Variants in SNX29 observed in about 807,000 individuals in gnomAD.
SNX29 encodes the protein sorting nexin 29.
Under a neutral mutation model 102.1 loss-of-function variants are expected in SNX29, and 78 were observed. The ratio of observed to expected loss-of-function variants is 0.76; its 90% confidence interval spans 0.64 to 0.92. The LOEUF (loss-of-function observed/expected upper bound fraction) is 0.92, where lower values mean the gene tolerates loss of function less well. Among genes scored for constraint, SNX29 ranks in the 40% least tolerant of loss-of-function variants. The pLI, the probability that SNX29 is intolerant of heterozygous loss-of-function variation, is 0.00. For missense variants in SNX29, 1,280 were observed against 1,061.7 expected (o/e 1.21, Z -2.86); for synonymous variants, 580 against 414.5 (o/e 1.40, Z -4.85).
rs1443537293 is a variant in SNX29 at position 12,570,889 on chromosome 16, T to C, written c.*2260T>C. 4.3e-6 allele frequency: 1 copy of C among 230,836 alleles called. No homozygotes were observed. Among genetic ancestry groups the C allele is most frequent in the African/African-American group, 2.2e-5 (1 of 44,928 alleles). The allele number at this position is 230,836 out of a possible 1,614,324, so 14.3% of individuals were successfully genotyped here. A position where few individuals can be genotyped will look rare whatever the true frequency, so the allele number is the denominator to read the frequency against. On this transcript the variant is annotated 3_prime_UTR_variant, in exon 21 of 21. Transcript: ENST00000566228. ...CTCCTACTTTTATAATACTGAATTATTCACAAAAAACCTGGTCTGCTCTCC... is the reference window on the plus strand; with the variant it reads ...CTCCTACTTTTATAATACTGAATTACTCACAAAAAACCTGGTCTGCTCTCC...
chr16:12,569,108 G>A lies in SNX29; in HGVS notation c.*479G>A, dbSNP rs2079129225. 1 of 125,440 alleles carries A rather than the reference G, an allele frequency of 8.0e-6. No individual in the cohort carries two copies. The highest frequency in any genetic ancestry group is 3.6e-5 in the African/African-American group (1 of 27,754). 7.8% of individuals were successfully genotyped at this position (125,440 alleles called of 1,614,324 possible). On this transcript the variant is annotated 3_prime_UTR_variant, in exon 21 of 21. Coordinates refer to ENST00000566228, the MANE Select transcript of SNX29 (RefSeq NM_032167.5). Reference sequence around the variant, plus strand: ...AGGTTATTACCTGGCCTAACCTAGGGATGGCTGGCTTTGCGGGGGGGGGGG... The same window carrying A: ...AGGTTATTACCTGGCCTAACCTAGGAATGGCTGGCTTTGCGGGGGGGGGGG...
Position 12,571,684 on chromosome 16 carries a change from C to T in SNX29, c.*3055C>T. ...GGTAGGGCTGGGCAGAGGTGTCTCT[C>T]CTTGAGAGACAACAAAAGCTTCTAA... On this transcript the variant is annotated 3_prime_UTR_variant, in exon 21 of 21. Coordinates refer to ENST00000566228, the MANE Select transcript of SNX29 (RefSeq NM_032167.5). 9.4e-7 allele frequency: 1 copy of T among 1,059,502 alleles called. No individual in the cohort carries two copies. Among genetic ancestry groups the T allele is most frequent in the South Asian group, 4.6e-5 (1 of 21,866 alleles). 65.6% of individuals were successfully genotyped at this position (1,059,502 alleles called of 1,614,324 possible).
At chr16:12,005,302 G>T (rs901503935) in intron 3 of SNX29, among the ~76,000 whole-genome samples, 4 of 152,126 alleles carry the variant, frequency 2.6e-5, no homozygotes, top group African/African-American at 9.7e-5. Flanking sequence ...GAATCACCTG[G>T]GAGGCTTATT....
intron 14 of SNX29, among the ~76,000 whole-genome samples, chr16:12,211,525 G>A (rs1394961831): frequency 2.0e-5 from 3 of 152,178 alleles, no homozygotes; most frequent in East Asian, 3.9e-4. Context: ...CACTGTATTA[G>A]TCAGGGTTCT....
intron 15 of SNX29, among the ~76,000 whole-genome samples, chr16:12,355,883 G>A (rs2082120504): frequency 7.6e-6 from 1 of 131,122 alleles, no homozygotes; most frequent in African/African-American, 2.8e-5. Flanking sequence ...AAAAGAGAGA[G>A]GAAAAAAAAA....
chr16:12,494,565 G>T (rs2088716955), intron 19 of SNX29, among the ~76,000 whole-genome samples: 1 of 152,150 alleles, frequency 6.6e-6, no homozygotes, highest in Non-Finnish European at 1.5e-5. Context: ...TAAGTGTCCT[G>T]GCAGTACAGG....
At chr16:12,326,352 G>C (rs944099553) in intron 15 of SNX29, among the ~76,000 whole-genome samples, 1 of 137,998 alleles carries the variant, frequency 7.2e-6, no homozygotes, top group African/African-American at 2.6e-5. Flanking sequence ...TCCCTGTCCA[G>C]GTGTGAGGGG....
chr16:12,568,517 CGCCCGGAGAGCCTGTGAACAGCCG>C lies in SNX29; in HGVS notation c.2335_2358del (p.Gly779_Pro786del), dbSNP rs766809356. 6.2e-7 allele frequency: 1 copy of C among 1,609,956 alleles called. No individual in the cohort carries two copies. Among genetic ancestry groups the C allele is most frequent in the South Asian group, 1.1e-5 (1 of 91,078 alleles). On this transcript the variant is annotated inframe_deletion, in exon 21 of 21. Transcript: ENST00000566228. ...CCCTGCTCTTTCAGCGACATCACCCCGCCCGGAGAGCCTGTGAACAGCCGGCCCAAAGCAGCTTCCCGCTTCCCC... is the reference window on the plus strand; with the variant it reads ...CCCTGCTCTTTCAGCGACATCACCCCGCCCAAAGCAGCTTCCCGCTTCCCC...
rs768176505 is a variant in SNX29, at chr16:12,356,183, G to A, written c.1803G>A (p.Glu601=). 1 of 1,613,082 alleles carries A rather than the reference G, an allele frequency of 6.2e-7. No individual in the cohort carries two copies. The highest frequency in any genetic ancestry group is 8.5e-7 in the Non-Finnish European group (1 of 1,179,654). Residue 601 remains glutamate (E), a synonymous_variant, in exon 16 of 21, where the codon GAG becomes GAA. Coordinates refer to ENST00000566228, the MANE Select transcript of SNX29 (RefSeq NM_032167.5). The stretch of plus-strand genomic sequence containing the variant: ...TCCAGGTGGCAGAGATGCATGGCGA[G>A]CTGATTGAGTTCAACGAGCGCCTGC... The part of the protein sequence containing the change: ...KLIEVAEMHG[E]LIEFNERLHR...
chr16:12,561,359 G>C (rs1395954338), intron 20 of SNX29, among the ~76,000 whole-genome samples: 1 of 152,126 alleles, frequency 6.6e-6, no homozygotes, highest in Non-Finnish European at 1.5e-5. Context: ...AGACTTATGA[G>C]GGAGCTAGGT....
chr16:12,434,267 G>A (rs1441745654), intron 18 of SNX29, among the ~76,000 whole-genome samples: 2 of 152,198 alleles, frequency 1.3e-5, no homozygotes, highest in East Asian at 3.8e-4. Flanking sequence ...TTATTGACCA[G>A]AGTGTGTACA....
At chr16:12,455,524 C>A (rs1000858015) in intron 18 of SNX29, among the ~76,000 whole-genome samples, 1 of 152,222 alleles carries the variant, frequency 6.6e-6, no homozygotes, top group African/African-American at 2.4e-5. Context: ...GCCAGTGTTC[C>A]TTGTCTCTTC....
intron 20 of SNX29, among the ~76,000 whole-genome samples, chr16:12,544,732 G>C (rs543998838): frequency 6.6e-6 from 1 of 152,090 alleles, no homozygotes; most frequent in Non-Finnish European, 1.5e-5. Flanking sequence ...GGGAAACCTC[G>C]GCCCAGAGAG....
intron 20 of SNX29, among the ~76,000 whole-genome samples, chr16:12,540,468 G>C (rs150061836): frequency 1.6e-3 from 248 of 152,334 alleles, no homozygotes; most frequent in African/African-American, 5.6e-3. Context: ...CGTCTTACTA[G>C]GCTACAGTCA....
At chr16:12,492,180 C>T (rs563239835) in intron 19 of SNX29, among the ~76,000 whole-genome samples, 10 of 152,320 alleles carry the variant, frequency 6.6e-5, no homozygotes, top group East Asian at 3.9e-4. Flanking sequence ...TCCACATCCT[C>T]GCCAGCACCT....
chr16:12,238,322 G>T (rs1441792644), intron 14 of SNX29, among the ~76,000 whole-genome samples: 38 of 142,278 alleles, frequency 2.7e-4, no homozygotes, highest in Non-Finnish European at 5.3e-4. Flanking sequence ...TTTTTTTTGA[G>T]ACGGAGTCTC....
intron 1 of SNX29, among the ~76,000 whole-genome samples, chr16:11,981,974 T>C (rs1233888999): frequency 6.6e-6 from 1 of 151,634 alleles, no homozygotes; most frequent in East Asian, 1.9e-4. Context: ...GGAGGCCCAG[T>C]TGGGAGGATT....
intron 19 of SNX29, among the ~76,000 whole-genome samples, chr16:12,496,507 CTTTTTTTTTTTTTT>C (rs537441350): frequency 8.7e-6 from 1 of 115,228 alleles, no homozygotes; most frequent in Non-Finnish European, 1.7e-5. Flanking sequence ...GCTCTCATGG[CTTTTTTTTTTTTTT>C]TTTTTTTTAA....
chr16:12,430,282 T>C (rs565925214), intron 18 of SNX29, among the ~76,000 whole-genome samples: 2 of 152,348 alleles, frequency 1.3e-5, no homozygotes, highest in African/African-American at 4.8e-5. Flanking sequence ...TGCTGCTTTA[T>C]TTTCTTTGTC....
Sources: gnomAD v4.1 joint callset for allele counts (sites outside exome capture counted in the v4.1 genomes callset) on GRCh38, gnomAD v4.1.1 for gene constraint, MANE v1.5 for transcripts, NCBI Gene and HGNC (gene_info 2026-07-23, HGNC 2026-07-21) for gene names.